Variants in GALNTL6 observed in about 807,000 individuals in gnomAD.
GALNTL6 encodes the protein polypeptide N-acetylgalactosaminyltransferase like 6.
A neutral mutation model predicts 73.7 loss-of-function variants in GALNTL6; 46 were observed. The observed-to-expected ratio is 0.62, with a 90% CI of 0.49 to 0.80. The LOEUF is 0.80. Ranked by LOEUF, GALNTL6 falls within the 30% of genes least tolerant of loss-of-function variation. The probability of loss-of-function intolerance (pLI) is 0.00; values close to 1 mark genes in which losing one functional copy is unlikely to be tolerated. For synonymous variants in GALNTL6, 259 were observed against 263.7 expected (o/e 0.98, Z 0.17); for missense variants, 604 against 755.0 (o/e 0.80, Z 2.34).
intron 2 of GALNTL6, among the ~76,000 whole-genome samples, chr4:171,894,590 G>A (rs781117185): frequency 1.6e-4 from 24 of 152,106 alleles, no homozygotes; most frequent in Admixed American, 3.3e-4. Flanking sequence ...CTTTTGTCCA[G>A]GCCTCAAGCA....
At chr4:172,219,201 A>G (rs1219848502) in intron 2 of GALNTL6, among the ~76,000 whole-genome samples, 4 of 42,440 alleles carry the variant, frequency 9.4e-5, no homozygotes, top group African/African-American at 2.2e-4. Context: ...AAGCAAGTGT[A>G]TATATATATA....
intron 5 of GALNTL6, among the ~76,000 whole-genome samples, chr4:172,376,700 C>G (rs1045019177): frequency 2.0e-5 from 3 of 151,978 alleles, no homozygotes; most frequent in African/African-American, 7.2e-5. Flanking sequence ...GATGGTCTCA[C>G]CGCTTGGTGA....
chr4:172,781,600 T>C (rs886449720), intron 5 of GALNTL6, among the ~76,000 whole-genome samples: 5 of 152,246 alleles, frequency 3.3e-5, no homozygotes, highest in African/African-American at 1.2e-4. Context: ...TGGAGCCTTA[T>C]TGATCAGTTT....
At chr4:172,758,528 T>A (rs1416327649) in intron 5 of GALNTL6, among the ~76,000 whole-genome samples, 1 of 152,220 alleles carries the variant, frequency 6.6e-6, no homozygotes, top group Non-Finnish European at 1.5e-5. Context: ...AGAGTGAGAC[T>A]GTGTCTCTAA....
intron 5 of GALNTL6, among the ~76,000 whole-genome samples, chr4:172,401,803 C>A (rs1163095801): frequency 6.6e-6 from 1 of 151,774 alleles, no homozygotes; most frequent in Admixed American, 6.6e-5. Flanking sequence ...ATAACAGACA[C>A]CTCAAGTTTT....
At chr4:172,104,186 G>A (rs1429719484) in intron 2 of GALNTL6, among the ~76,000 whole-genome samples, 1 of 152,030 alleles carries the variant, frequency 6.6e-6, no homozygotes, top group African/African-American at 2.4e-5. Flanking sequence ...CTCGTGATCC[G>A]CCCGCCTCGG....
At chr4:172,376,374 T>C (rs1003488830) in intron 5 of GALNTL6, among the ~76,000 whole-genome samples, 2 of 152,090 alleles carry the variant, frequency 1.3e-5, no homozygotes, top group Admixed American at 1.3e-4. Context: ...AGAGTTCTGC[T>C]CATGGCCGCA....
chr4:172,304,409 A>G (rs2111128816), intron 3 of GALNTL6, among the ~76,000 whole-genome samples: 1 of 117,178 alleles, frequency 8.5e-6, no homozygotes, highest in Non-Finnish European at 1.7e-5. Flanking sequence ...AGTGTAGAAT[A>G]GTAAGTAGTA....
chr4:172,715,274 G>A (rs1277585338), intron 5 of GALNTL6, among the ~76,000 whole-genome samples: 1 of 152,170 alleles, frequency 6.6e-6, no homozygotes, highest in African/African-American at 2.4e-5. Context: ...GTGTGTGTGG[G>A]GATGTGCATG....
chr4:172,812,656 A>G (rs1485332226), intron 6 of GALNTL6, among the ~76,000 whole-genome samples: 1 of 152,142 alleles, frequency 6.6e-6, no homozygotes, highest in Non-Finnish European at 1.5e-5. Flanking sequence ...GCACAATGGA[A>G]CACTCGAAAG....
chr4:172,868,361 G>A (rs1744762540), intron 7 of GALNTL6, among the ~76,000 whole-genome samples: 1 of 152,106 alleles, frequency 6.6e-6, no homozygotes, highest in Non-Finnish European at 1.5e-5. Context: ...ATCTTTGGGA[G>A]CTAGGAAGAG....
At chr4:172,098,180 A>C (rs187856888) in intron 2 of GALNTL6, among the ~76,000 whole-genome samples, 38 of 152,294 alleles carry the variant, frequency 2.5e-4, no homozygotes, top group Admixed American at 2.1e-3. Flanking sequence ...CTCTCTCTAT[A>C]TATAAGACAT....
intron 12 of GALNTL6, among the ~76,000 whole-genome samples, chr4:173,022,456 T>A (rs961350350): frequency 6.6e-6 from 1 of 152,128 alleles, no homozygotes; most frequent in Non-Finnish European, 1.5e-5. Flanking sequence ...GAACCACATA[T>A]CCAATAAGCA....
intron 3 of GALNTL6, among the ~76,000 whole-genome samples, chr4:172,308,333 G>T (rs1329987804): frequency 1.3e-5 from 2 of 151,872 alleles, no homozygotes; most frequent in East Asian, 2.0e-4. Context: ...TCTGTTGTCT[G>T]ATTGTCCTGG....
At chr4:172,160,348 AG>A (rs1734416941) in intron 2 of GALNTL6, among the ~76,000 whole-genome samples, 1 of 151,482 alleles carries the variant, frequency 6.6e-6, no homozygotes, top group African/African-American at 2.4e-5. Context: ...GAGGACTGAA[AG>A]AAAAAAAAAA....
At chr4:171,908,430 A>G (rs537123089) in intron 2 of GALNTL6, among the ~76,000 whole-genome samples, 23 of 152,282 alleles carry the variant, frequency 1.5e-4, no homozygotes, top group African/African-American at 4.8e-4. Context: ...AGAAATGCAA[A>G]TCAAAACCAC....
At chr4:172,491,840 G>T (rs17058545) in intron 5 of GALNTL6, among the ~76,000 whole-genome samples, 20,744 of 152,138 alleles carry the variant, frequency 0.14, 1,510 homozygotes, top group East Asian at 0.25. Flanking sequence ...GAGGCAATAT[G>T]ATGATGGCAT....
At chr4:172,088,455 T>G (rs1348973523) in intron 2 of GALNTL6, among the ~76,000 whole-genome samples, 1 of 152,192 alleles carries the variant, frequency 6.6e-6, no homozygotes, top group Non-Finnish European at 1.5e-5. Context: ...GGTACAGATG[T>G]GTATAACGCC....
At chr4:172,227,544 A>G (rs929142741) in intron 2 of GALNTL6, among the ~76,000 whole-genome samples, 2 of 152,136 alleles carry the variant, frequency 1.3e-5, no homozygotes, top group African/African-American at 4.8e-5. Context: ...GTCAATCTTT[A>G]TCTTTTCACA....
Sources: gnomAD v4.1 joint callset for allele counts (sites outside exome capture counted in the v4.1 genomes callset) on GRCh38, gnomAD v4.1.1 for gene constraint, MANE v1.5 for transcripts, NCBI Gene and HGNC (gene_info 2026-07-23, HGNC 2026-07-21) for gene names.